The following EFCAB3 variants were observed in gnomAD, a reference collection of about 807,000 sequenced individuals.
The protein encoded by EFCAB3 is EF-hand calcium-binding domain-containing protein 3.
EFCAB3 carries 36 observed loss-of-function variants against 42.2 expected under a neutral mutation model. That is an observed-to-expected ratio of 0.85 (90% CI 0.65 to 1.13). EFCAB3 has a LOEUF of 1.13. Ranked by LOEUF, EFCAB3 falls within the 50% of genes most tolerant of loss-of-function variation. The pLI, the probability that EFCAB3 is intolerant of heterozygous loss-of-function variation, is 0.00. For synonymous variants in EFCAB3, 170 were observed against 172.8 expected (o/e 0.98, Z 0.13); for missense variants, 418 against 505.1 (o/e 0.83, Z 1.65).
intron 3 of EFCAB3, among the ~76,000 whole-genome samples, chr17:62,390,305 T>G (rs2070292585): frequency 6.6e-6 from 1 of 152,178 alleles, no homozygotes; most frequent in Non-Finnish European, 1.5e-5. Context: ...GGGGATGAGT[T>G]CCAATCCACA....
rs879890610 is a variant in EFCAB3 at position 62,370,924 on chromosome 17, C to CA, written c.34+615dup. ...GCAATAGACTGAAACCCTGTCTCTA[C>CA]AAAAAAAAAAAAATTTAATTATCCA... is the stretch of plus-strand genomic sequence containing the variant. On this transcript the variant is annotated intron_variant, in intron 1 of 11. Coordinates refer to the EFCAB3 transcript ENST00000450662. Among the ~76,000 whole-genome samples, 837 of 133,126 alleles carry CA rather than the reference C, an allele frequency of 6.3e-3. 4 individuals are homozygous for CA. Among genetic ancestry groups the CA allele is most frequent in the African/African-American group, 0.016 (590 of 36,364 alleles). 87.3% of individuals were successfully genotyped at this position (133,126 alleles called of 152,430 possible). A position where few individuals can be genotyped will look rare whatever the true frequency, so the allele number is the denominator to read the frequency against.
chr17:62,393,519 C>A, intron 4 of EFCAB3, 54 bp from the exon 5 acceptor site: 1 of 1,339,260 alleles, frequency 7.5e-7, no homozygotes, highest in Non-Finnish European at 1.1e-6. Context: ...AATATATACT[C>A]TGATAATTAA....
intron 2 of EFCAB3, among the ~76,000 whole-genome samples, chr17:62,385,431 G>A (rs2070240656): frequency 1.3e-5 from 2 of 152,260 alleles, no homozygotes. Context: ...TGCAGAGGGA[G>A]ACTCTGTCTT....
chr17:62,382,810 C>A (rs1369851397), intron 1 of EFCAB3, among the ~76,000 whole-genome samples, 153 bp from the exon 2 acceptor site: 1 of 152,204 alleles, frequency 6.6e-6, no homozygotes, highest in African/African-American at 2.4e-5. Context: ...GGCATTCCAA[C>A]TTTATGCATA....
chr17:62,381,245 G>A (rs1030202621), intron 1 of EFCAB3, among the ~76,000 whole-genome samples: 5 of 149,096 alleles, frequency 3.4e-5, no homozygotes, highest in South Asian at 2.1e-4. Flanking sequence ...GAGAACACGC[G>A]GTGTTCGGTT....
intron 6 of EFCAB3, among the ~76,000 whole-genome samples, chr17:62,399,023 C>A (rs1567725548): frequency 6.6e-6 from 1 of 152,050 alleles, no homozygotes; most frequent in African/African-American, 2.4e-5. Flanking sequence ...GACTGCTGCT[C>A]CCCTGCTCTG....
intron 6 of EFCAB3, among the ~76,000 whole-genome samples, chr17:62,404,750 C>T (rs956128538): frequency 2.0e-5 from 3 of 151,932 alleles, no homozygotes; most frequent in Non-Finnish European, 2.9e-5. Context: ...GAGCCAAGAT[C>T]GTGCCATTGC....
chr17:62,375,185 T>A (rs1179566055), intron 2 of EFCAB3, among the ~76,000 whole-genome samples: 1 of 152,204 alleles, frequency 6.6e-6, no homozygotes, highest in Non-Finnish European at 1.5e-5. Flanking sequence ...AAAATGAATT[T>A]TAATAGAAAA....
chr17:62,409,672 C>T (rs1042150901), intron 8 of EFCAB3, among the ~76,000 whole-genome samples: 6 of 149,846 alleles, frequency 4.0e-5, no homozygotes, highest in Non-Finnish European at 5.9e-5. Flanking sequence ...TTTCATAACA[C>T]GTTACCATCT....
At chr17:62,378,423 A>G (rs1490170432), upstream of EFCAB3, among the ~76,000 whole-genome samples, 2 of 152,192 alleles carry the variant, frequency 1.3e-5, no homozygotes, top group Non-Finnish European at 2.9e-5. Flanking sequence ...GAGGACCTGG[A>G]GCACTGGCTC....
At chr17:62,411,362 T>C (rs1221045480) in intron 8 of EFCAB3, among the ~76,000 whole-genome samples, 4 of 152,116 alleles carry the variant, frequency 2.6e-5, no homozygotes, top group African/African-American at 9.7e-5. Context: ...TTTTTCTAAA[T>C]TGATAAAAGA....
chr17:62,394,494 C>G (rs891348005), intron 5 of EFCAB3, among the ~76,000 whole-genome samples: 12 of 152,090 alleles, frequency 7.9e-5, no homozygotes, highest in Non-Finnish European at 1.5e-4. Flanking sequence ...CTTCCACTAA[C>G]TAATAGAAAA....
In EFCAB3 at chr17:62,407,066, C is replaced by A. The variant is rs750592750; in HGVS notation, c.721C>A (p.Pro241Thr). 1.3e-6 allele frequency: 2 copies of A among 1,599,682 alleles called. No individual in the cohort carries two copies. The highest frequency in any genetic ancestry group is 1.7e-6 in the Non-Finnish European group (2 of 1,175,976). Reference sequence around the variant, plus strand: ...TTCAGATAGCCCATATTCAAAAATACCCATCTTTCCATTGTTCCCTAATGT... The same window carrying A: ...TTCAGATAGCCCATATTCAAAAATAACCATCTTTCCATTGTTCCCTAATGT... ...SGSDSPYSKI[P>T]IFPLFPNVDG... Residue 241 changes from proline to threonine, a missense_variant, in exon 8 of 10, where the codon CCC becomes ACC. Coordinates refer to ENST00000305286, the MANE Select transcript of EFCAB3 (RefSeq NM_173503.4).
intron 4 of EFCAB3, 138 bp from the exon 5 acceptor site, chr17:62,393,435 C>T: frequency 1.5e-6 from 1 of 664,134 alleles, no homozygotes; most frequent in South Asian, 2.3e-5. Flanking sequence ...CAGGGCTCAC[C>T]TGAGCATATT....
intron 8 of EFCAB3, among the ~76,000 whole-genome samples, chr17:62,407,734 A>G (rs1041938895): frequency 3.9e-5 from 6 of 152,164 alleles, no homozygotes; most frequent in South Asian, 2.1e-4. Context: ...TTTTGTCATC[A>G]TAAGTTTTAA....
intron 8 of EFCAB3, among the ~76,000 whole-genome samples, chr17:62,411,224 G>A (rs1404988076): frequency 2.6e-5 from 4 of 152,070 alleles, no homozygotes; most frequent in Non-Finnish European, 5.9e-5. Context: ...CTCAAAAAAA[G>A]TCAGTAGGTA....
chr17:62,415,257 G>A (rs1241523153), intron 9 of EFCAB3, among the ~76,000 whole-genome samples: 1 of 151,940 alleles, frequency 6.6e-6, no homozygotes, highest in Non-Finnish European at 1.5e-5. Flanking sequence ...CCAACATGAA[G>A]AGCCAACCAT....
chr17:62,388,656 G>A (rs2070276498), intron 3 of EFCAB3, among the ~76,000 whole-genome samples: 1 of 152,186 alleles, frequency 6.6e-6, no homozygotes, highest in Non-Finnish European at 1.5e-5. Flanking sequence ...CAAGGCCCCA[G>A]ATAGCAAAAC....
At position 62,395,396 on chromosome 17, in the gene EFCAB3, C is replaced by T. The variant is rs924160071; in HGVS notation, c.488+208C>T. Among the ~76,000 whole-genome samples the T allele has an allele frequency of 2.0e-5, 3 of 152,306 alleles. No individual in the cohort carries two copies. The South Asian group carries it at 6.2e-4, about 32-fold the overall frequency. On this transcript the variant is annotated intron_variant, in intron 6 of 9. Coordinates refer to ENST00000305286, the MANE Select transcript of EFCAB3 (RefSeq NM_173503.4). Reference sequence around the variant, plus strand: ...CCTTCCCAGCTCTAAAACTGCAAGGCTGACCTCAGACCACCTAAGGGCCCC... The same window carrying T: ...CCTTCCCAGCTCTAAAACTGCAAGGTTGACCTCAGACCACCTAAGGGCCCC...
Sources: allele counts gnomAD v4.1 joint callset (sites outside exome capture counted in the v4.1 genomes callset), GRCh38; gene constraint gnomAD v4.1.1; transcripts MANE v1.5; gene names NCBI Gene and HGNC (gene_info 2026-07-23, HGNC 2026-07-21).